Variants in ZNF680 observed in about 807,000 individuals in gnomAD.
ZNF680 encodes the protein zinc finger protein 680.
In ZNF680, 6 loss-of-function variants were observed where a neutral mutation model predicts 12.1. The observed-to-expected ratio is 0.49, with a 90% CI of 0.27 to 0.98. The LOEUF (loss-of-function observed/expected upper bound fraction) is 0.98. Among genes scored for constraint, ZNF680 ranks in the 50% least tolerant of loss-of-function variants. The pLI is 0.12. For missense variants in ZNF680, 561 were observed against 616.3 expected (o/e 0.91, Z 0.95); for synonymous variants, 170 against 199.3 (o/e 0.85, Z 1.24).
At chr7:64,505,559 A>T in the ZNF680 span, among the ~76,000 whole-genome samples, 1 of 152,192 alleles carries the variant, frequency 6.6e-6, no homozygotes, top group Non-Finnish European at 1.5e-5. Flanking sequence ...TGATTTAATT[A>T]TAGTAAGAAT....
intron 3 of ZNF680, among the ~76,000 whole-genome samples, chr7:64,523,444 T>C (rs956409867): frequency 1.3e-5 from 2 of 151,164 alleles, no homozygotes; most frequent in Admixed American, 1.3e-4. Context: ...AATACAAAAA[T>C]CAACAAGACA....
chr7:64,512,075 A>G, the ZNF680 span, among the ~76,000 whole-genome samples: 1 of 151,074 alleles, frequency 6.6e-6, no homozygotes, highest in South Asian at 2.1e-4. Flanking sequence ...AAAAAAAAGC[A>G]CTATTAAAAA....
the ZNF680 span, among the ~76,000 whole-genome samples, chr7:64,509,272 A>C: frequency 6.6e-6 from 1 of 152,164 alleles, no homozygotes; most frequent in East Asian, 1.9e-4. Context: ...CCCTTTGCCC[A>C]AAACCTCTCA....
At chr7:64,501,335 G>T in the ZNF680 span, 1 of 1,219,088 alleles carries the variant, frequency 8.2e-7, no homozygotes, top group Non-Finnish European at 1.2e-6. Flanking sequence ...GGCAAAAGTG[G>T]CTTCAATTCT....
At chr7:64,544,498 C>A in intron 1 of ZNF680, 66 bp from the exon 2 acceptor site, 1 of 1,551,518 alleles carries the variant, frequency 6.4e-7, no homozygotes, top group Non-Finnish European at 8.7e-7. Flanking sequence ...TGACCATGGG[C>A]AGAATTTTTA....
chr7:64,501,637 G>C, the ZNF680 span: 1 of 860,058 alleles, frequency 1.2e-6, no homozygotes, highest in South Asian at 1.3e-5. Flanking sequence ...AATGAAGGTG[G>C]GGGATGGCCA....
At chr7:64,553,850 G>T (rs1225754604) in intron 1 of ZNF680, among the ~76,000 whole-genome samples, 1 of 152,196 alleles carries the variant, frequency 6.6e-6, no homozygotes, top group South Asian at 2.1e-4. Context: ...GCCTCCCGAG[G>T]TGCCGGGATT....
chr7:64,510,453 A>T, the ZNF680 span, among the ~76,000 whole-genome samples: 1 of 150,820 alleles, frequency 6.6e-6, no homozygotes, highest in Non-Finnish European at 1.5e-5. Context: ...CCTTAATATT[A>T]AAAAAAAATT....
At chr7:64,531,557 A>C (rs1785882855) in intron 3 of ZNF680, among the ~76,000 whole-genome samples, 1 of 146,166 alleles carries the variant, frequency 6.8e-6, no homozygotes, top group Non-Finnish European at 1.5e-5. Context: ...AGATCGTGCC[A>C]CTGCACTCCA....
chr7:64,500,016 C>T, the ZNF680 span, among the ~76,000 whole-genome samples: 1 of 152,298 alleles, frequency 6.6e-6, no homozygotes, highest in African/African-American at 2.4e-5. Context: ...AGAAGCAGTC[C>T]AAGCCTCCGA....
chr7:64,554,552 A>AG (rs974177244), intron 1 of ZNF680, among the ~76,000 whole-genome samples: 2 of 152,204 alleles, frequency 1.3e-5, no homozygotes, highest in African/African-American at 4.8e-5. Context: ...CGAATAGAAA[A>AG]GGGGGAAATG....
intron 3 of ZNF680, among the ~76,000 whole-genome samples, chr7:64,530,874 A>T (rs1181361720): frequency 6.8e-6 from 1 of 147,340 alleles, no homozygotes; most frequent in Non-Finnish European, 1.5e-5. Context: ...AAAAATTTAA[A>T]AATAATAATA....
intron 3 of ZNF680, among the ~76,000 whole-genome samples, chr7:64,537,737 C>T (rs1786247565): frequency 6.6e-6 from 1 of 151,758 alleles, no homozygotes; most frequent in African/African-American, 2.4e-5. Context: ...ACCATCCTGG[C>T]TAACACAGTG....
intron 3 of ZNF680, among the ~76,000 whole-genome samples, chr7:64,528,351 CCACAGGT>C (rs773074523): frequency 2.0e-5 from 3 of 152,200 alleles, no homozygotes; most frequent in Non-Finnish European, 2.9e-5. Flanking sequence ...CCTGCAGACT[CCACAGGT>C]CACAGGTCAC....
chr7:64,545,016 T>C (rs921889075), intron 1 of ZNF680, among the ~76,000 whole-genome samples: 3 of 152,060 alleles, frequency 2.0e-5, no homozygotes, highest in Non-Finnish European at 1.5e-5. Context: ...CCCAGCACTC[T>C]GGGAGGCCGA....
At chr7:64,552,790 G>A (rs904621795) in intron 1 of ZNF680, among the ~76,000 whole-genome samples, 15 of 152,050 alleles carry the variant, frequency 9.9e-5, no homozygotes, top group Admixed American at 3.3e-4. Flanking sequence ...AGTAAATGTC[G>A]TGGCCTTATA....
At chr7:64,562,193 C>T (rs1233848188) in intron 1 of ZNF680, among the ~76,000 whole-genome samples, 1 of 148,366 alleles carries the variant, frequency 6.7e-6, no homozygotes, top group African/African-American at 2.5e-5. Context: ...GATCGTGCCA[C>T]TGCACTTCAG....
At chr7:64,527,767 AGGACAAATCTG>A (rs2116400178) in intron 3 of ZNF680, among the ~76,000 whole-genome samples, 1 of 152,094 alleles carries the variant, frequency 6.6e-6, no homozygotes, top group East Asian at 1.9e-4. Context: ...CAAGAATTTG[AGGACAAATCTG>A]GGGGCATCAT....
intron 3 of ZNF680, among the ~76,000 whole-genome samples, chr7:64,543,449 C>CTT (rs1322569879): frequency 6.6e-6 from 1 of 152,172 alleles, no homozygotes; most frequent in East Asian, 1.9e-4. Flanking sequence ...TGTGCAGTCT[C>CTT]TTATAAGCCA....
Sources: allele counts gnomAD v4.1 joint callset (sites outside exome capture counted in the v4.1 genomes callset), GRCh38; gene constraint gnomAD v4.1.1; transcripts MANE v1.5; gene names NCBI Gene and HGNC (gene_info 2026-07-23, HGNC 2026-07-21).